The following TMEM178A variants were observed in gnomAD, a reference collection of about 807,000 sequenced individuals.
TMEM178A encodes transmembrane protein 178A.
A neutral mutation model predicts 29.1 loss-of-function variants in TMEM178A; 12 were observed. The observed-to-expected ratio is 0.41, with a 90% CI of 0.26 to 0.67. The LOEUF is 0.67. Ranked by LOEUF, TMEM178A falls within the 30% of genes least tolerant of loss-of-function variation. TMEM178A has a pLI of 0.29. For synonymous variants in TMEM178A, 210 were observed against 187.2 expected (o/e 1.12, Z -0.99); for missense variants, 366 against 419.1 (o/e 0.87, Z 1.11).
intron 3 of TMEM178A, among the ~76,000 whole-genome samples, chr2:39,715,367 CTTTGTT>C (rs1672490681): frequency 6.6e-6 from 1 of 152,122 alleles, no homozygotes; most frequent in Non-Finnish European, 1.5e-5. Flanking sequence ...ATTAAAAGGG[CTTTGTT>C]ATATATAAAA....
chr2:39,707,677 G>C (rs944308428), intron 3 of TMEM178A, among the ~76,000 whole-genome samples: 3 of 152,088 alleles, frequency 2.0e-5, no homozygotes, highest in African/African-American at 4.8e-5. Context: ...TGTTGGCCAG[G>C]CTGGTCTCGA....
rs745816255 is a variant in TMEM178A at position 39,666,117 on chromosome 2, C to T, written c.143C>T (p.Ala48Val). 1.3e-6 allele frequency: 2 copies of T among 1,552,434 alleles called. No individual in the cohort carries two copies. Among genetic ancestry groups the T allele is most frequent in the East Asian group, 2.6e-5 (1 of 37,972 alleles). ...RHKESCERSR[A>V]GADPPDQKNR... is the part of the protein sequence containing the mutation. The stretch of plus-strand genomic sequence containing the variant: ...AAGGAGAGCTGCGAGCGCAGCCGCG[C>T]GGGCGCCGACCCCCCGGACCAGAAG... The change falls in exon 1 of 4, where the codon GCG becomes GTG. Residue 48 changes from alanine to valine, a missense_variant. Ala to Val is a moderately conservative substitution (Grantham distance 64, BLOSUM62 0). This residue lies in a region of TMEM178A where 247 missense variants were observed against 246.8 expected (regional missense o/e 1.00). Coordinates refer to ENST00000281961, the MANE Select transcript of TMEM178A (RefSeq NM_152390.3).
chr2:39,686,916 G>A (rs116718857), intron 1 of TMEM178A, among the ~76,000 whole-genome samples: 2,491 of 151,670 alleles, frequency 0.016, 79 homozygotes, highest in African/African-American at 0.058. Flanking sequence ...TGTTTTGGGG[G>A]CCTGAGATGT....
intron 3 of TMEM178A, among the ~76,000 whole-genome samples, chr2:39,708,668 C>T (rs1166815579): frequency 2.6e-5 from 4 of 152,022 alleles, no homozygotes; most frequent in East Asian, 1.9e-4. Flanking sequence ...CCGCCCGCCT[C>T]GGCCTCCCAA....
intron 1 of TMEM178A, among the ~76,000 whole-genome samples, chr2:39,667,228 G>T (rs959783298): frequency 1.3e-5 from 2 of 152,130 alleles, no homozygotes; most frequent in African/African-American, 4.8e-5. Context: ...TACCTTGTCA[G>T]GTTGTTTTTG....
chr2:39,682,530 G>A (rs1456985856), intron 1 of TMEM178A, among the ~76,000 whole-genome samples: 1 of 152,098 alleles, frequency 6.6e-6, no homozygotes, highest in Non-Finnish European at 1.5e-5. Context: ...GGAGCCAGGG[G>A]CCATAGATGA....
At chr2:39,693,062 G>A (rs765340170) in intron 1 of TMEM178A, among the ~76,000 whole-genome samples, 2 of 152,084 alleles carry the variant, frequency 1.3e-5, no homozygotes, top group South Asian at 2.1e-4. Context: ...TGCAGTGAGC[G>A]GAGACCGTGC....
intron 1 of TMEM178A, among the ~76,000 whole-genome samples, chr2:39,679,903 C>G (rs917794271): frequency 1.3e-5 from 2 of 152,096 alleles, no homozygotes; most frequent in Non-Finnish European, 2.9e-5. Flanking sequence ...GTCAGACTTG[C>G]TACTAGGGAG....
In TMEM178A at chr2:39,705,490, C is replaced by A. The variant is rs571019017; in HGVS notation, c.514+1296C>A. ...TTCCCCTGCTCAGATGTGGCTGTCT[C>A]AAAAACTACTTATACCCTTAACATT... On this transcript the variant is annotated intron_variant, in intron 2 of 3. Coordinates refer to ENST00000281961, the MANE Select transcript of TMEM178A (RefSeq NM_152390.3). Among the ~76,000 whole-genome samples the A allele has an allele frequency of 5.3e-5, 8 of 152,332 alleles. No individual in the cohort carries two copies. The East Asian group carries it at 5.8e-4, about 11-fold the overall frequency.
intron 1 of TMEM178A, among the ~76,000 whole-genome samples, chr2:39,676,665 G>A (rs1259694756): frequency 6.6e-6 from 1 of 152,172 alleles, no homozygotes; most frequent in Non-Finnish European, 1.5e-5. Flanking sequence ...CACTTGGCTG[G>A]CTGACACCTG....
intron 3 of TMEM178A, among the ~76,000 whole-genome samples, chr2:39,716,419 G>C (rs576633720): frequency 2.6e-5 from 4 of 152,284 alleles, no homozygotes; most frequent in Non-Finnish European, 5.9e-5. Flanking sequence ...TGAAATGGAT[G>C]ATCTCCTTGC....
the TMEM178A span, among the ~76,000 whole-genome samples, chr2:39,730,733 C>A: frequency 6.6e-6 from 1 of 152,208 alleles, no homozygotes; most frequent in Non-Finnish European, 1.5e-5. Flanking sequence ...AGGTTTCCAT[C>A]TGGAACAAGA....
intron 1 of TMEM178A, among the ~76,000 whole-genome samples, chr2:39,688,390 T>C (rs1339944180): frequency 2.6e-5 from 4 of 152,234 alleles, no homozygotes; most frequent in African/African-American, 7.2e-5. Flanking sequence ...GAAATAGTGA[T>C]AAAGGCTGCT....
At chr2:39,671,803 C>T (rs145289970) in intron 1 of TMEM178A, among the ~76,000 whole-genome samples, 1 of 152,200 alleles carries the variant, frequency 6.6e-6, no homozygotes, top group Non-Finnish European at 1.5e-5. Context: ...ACTCTCAAGA[C>T]TGCTTCTCTC....
chr2:39,696,920 T>A (rs1671568804), intron 1 of TMEM178A, among the ~76,000 whole-genome samples: 1 of 152,204 alleles, frequency 6.6e-6, no homozygotes, highest in South Asian at 2.1e-4. Flanking sequence ...TTCTTTTCAA[T>A]CCTCTGCATG....
upstream of TMEM178A, chr2:39,665,878 G>T: frequency 1.8e-6 from 2 of 1,126,924 alleles, no homozygotes; most frequent in African/African-American, 1.7e-5. Flanking sequence ...GGCAGGTGGG[G>T]GGAAGAGGGA....
At chr2:39,722,507 T>C (rs1672724549), downstream of TMEM178A, among the ~76,000 whole-genome samples, 1 of 152,186 alleles carries the variant, frequency 6.6e-6, no homozygotes, top group Non-Finnish European at 1.5e-5. Flanking sequence ...CCAGTTGTTT[T>C]CCAGAAGTTG....
chr2:39,721,634 T>C (rs1672708760), downstream of TMEM178A, among the ~76,000 whole-genome samples: 1 of 152,048 alleles, frequency 6.6e-6, no homozygotes, highest in South Asian at 2.1e-4. Context: ...GAGTTTGGGT[T>C]TTACTCTGGT....
intron 1 of TMEM178A, among the ~76,000 whole-genome samples, chr2:39,670,408 GAGTT>G (rs1447666689): frequency 6.6e-6 from 1 of 152,206 alleles, no homozygotes; most frequent in African/African-American, 2.4e-5. Flanking sequence ...TGCCTTCATA[GAGTT>G]TATTTCAAGT....
Sources: allele counts gnomAD v4.1 joint callset (sites outside exome capture counted in the v4.1 genomes callset), GRCh38; gene constraint gnomAD v4.1.1; regional missense constraint gnomAD v4.1.1; transcripts MANE v1.5; gene names NCBI Gene and HGNC (gene_info 2026-07-23, HGNC 2026-07-21).